Variants in SPATA31H1 observed in about 807,000 individuals in gnomAD.
SPATA31H1 encodes SPATA31 subfamily H member 1.
At chr2:27,574,699 G>C in the SPATA31H1 span, 1 of 398,370 alleles carries the variant, frequency 2.5e-6, no homozygotes, top group Non-Finnish European at 4.4e-6. Flanking sequence ...TTCCACCATG[G>C]TCTAAAGTTA....
the SPATA31H1 span, chr2:27,565,464 T>C: frequency 2.8e-6 from 2 of 709,748 alleles, no homozygotes; most frequent in Middle Eastern, 4.6e-4. Context: ...TAGCCTTAAA[T>C]AGCAGGTGGA....
the SPATA31H1 span, among the ~76,000 whole-genome samples, chr2:27,541,980 C>T: frequency 1.3e-5 from 2 of 151,896 alleles, no homozygotes; most frequent in Admixed American, 6.6e-5. Context: ...CGCCATGGTG[C>T]CCAGCTGGTC....
chr2:27,565,722 C>T, the SPATA31H1 span, among the ~76,000 whole-genome samples: 2 of 152,292 alleles, frequency 1.3e-5, no homozygotes, highest in Non-Finnish European at 2.9e-5. Context: ...TTCCCCCCCA[C>T]CACAGATACT....
the SPATA31H1 span, chr2:27,573,611 A>G: frequency 2.5e-6 from 1 of 398,518 alleles, no homozygotes; most frequent in Non-Finnish European, 4.4e-6. Context: ...CAATTTCAAC[A>G]TCAAAGCTCT....
chr2:27,550,441 CAG>C, the SPATA31H1 span, among the ~76,000 whole-genome samples: 1 of 108,716 alleles, frequency 9.2e-6, no homozygotes, highest in South Asian at 3.0e-4. Flanking sequence ...TTTTTTGAGA[CAG>C]AGTCTCACTC....
At chr2:27,566,801 T>C in the SPATA31H1 span, 1 of 717,926 alleles carries the variant, frequency 1.4e-6, no homozygotes, top group South Asian at 1.5e-5. Flanking sequence ...CCACCTCTGT[T>C]CTTGTGGCTC....
the SPATA31H1 span, chr2:27,579,146 G>A: frequency 2.5e-6 from 4 of 1,614,114 alleles, no homozygotes; most frequent in Non-Finnish European, 8.5e-7. Context: ...CAGAATCAGG[G>A]GTTCAGAAAG....
chr2:27,555,427 T>C, the SPATA31H1 span, among the ~76,000 whole-genome samples: 1 of 151,872 alleles, frequency 6.6e-6, no homozygotes, highest in Non-Finnish European at 1.5e-5. Context: ...ATCCCAGCAC[T>C]TTGAGAGGCC....
At chr2:27,560,831 T>A in the SPATA31H1 span, among the ~76,000 whole-genome samples, 2 of 152,180 alleles carry the variant, frequency 1.3e-5, no homozygotes, top group East Asian at 3.9e-4. Context: ...AATTCATGGC[T>A]TGAAGGTTTT....
At chr2:27,581,070 T>TC in the SPATA31H1 span, 4 of 1,612,448 alleles carry the variant, frequency 2.5e-6, no homozygotes, top group Admixed American at 1.7e-5. Context: ...CAGCCAGGAG[T>TC]CTAAGAACTT....
the SPATA31H1 span, chr2:27,574,411 A>G: frequency 1.2e-4 from 49 of 398,484 alleles, no homozygotes; most frequent in East Asian, 1.7e-3. Context: ...CTGGGGAGGA[A>G]GTTTCCAGGT....
At chr2:27,558,939 G>C in the SPATA31H1 span, among the ~76,000 whole-genome samples, 2 of 144,686 alleles carry the variant, frequency 1.4e-5, no homozygotes, top group African/African-American at 5.0e-5. Flanking sequence ...GAGAGGGAGA[G>C]GGAGAGGGAG....
At chr2:27,560,126 A>G in the SPATA31H1 span, among the ~76,000 whole-genome samples, 1 of 151,726 alleles carries the variant, frequency 6.6e-6, no homozygotes, top group African/African-American at 2.4e-5. Context: ...TCAGCCTCCC[A>G]AAGTGCTGGG....
the SPATA31H1 span, chr2:27,579,561 A>G: frequency 6.2e-7 from 1 of 1,614,256 alleles, no homozygotes; most frequent in Non-Finnish European, 8.5e-7. Flanking sequence ...TAGAGTGAGA[A>G]TAAAGAAGAC....
At chr2:27,575,366 G>A in the SPATA31H1 span, 1 of 398,494 alleles carries the variant, frequency 2.5e-6, no homozygotes. This position sits in a 1 kb window ranked among gnomAD's most constrained non-coding sequence, Gnocchi z 4.1. Context: ...AGCCACATCT[G>A]CAACATAGAA....
chr2:27,567,418 A>T, the SPATA31H1 span: 1 of 465,348 alleles, frequency 2.1e-6, no homozygotes, highest in East Asian at 3.1e-5. Flanking sequence ...CCCCAAACTC[A>T]GTTATCTATG....
the SPATA31H1 span, among the ~76,000 whole-genome samples, chr2:27,563,255 C>T: frequency 6.6e-6 from 1 of 151,898 alleles, no homozygotes; most frequent in Non-Finnish European, 1.5e-5. Context: ...ACTATCTACT[C>T]AAATGGTCTA....
chr2:27,554,416 A>G, the SPATA31H1 span, among the ~76,000 whole-genome samples: 6 of 151,950 alleles, frequency 3.9e-5, no homozygotes, highest in Non-Finnish European at 1.5e-5. Flanking sequence ...TAAACAACAG[A>G]AACTTTTTTC....
the SPATA31H1 span, chr2:27,582,288 G>A: frequency 6.2e-7 from 1 of 1,614,004 alleles, no homozygotes; most frequent in South Asian, 1.1e-5. Flanking sequence ...CAGTTCCTGT[G>A]AGAGAACCCG....
Sources: gnomAD v4.1 joint callset for allele counts (sites outside exome capture counted in the v4.1 genomes callset) on GRCh38, gnomAD v4.1.1 for gene constraint, Gnocchi (gnomAD v3.1) non-coding constraint, MANE v1.5 for transcripts, NCBI Gene and HGNC (gene_info 2026-07-23, HGNC 2026-07-21) for gene names.